The following LRPAP1 variants were observed in gnomAD, a reference collection of about 807,000 sequenced individuals.
LRPAP1 encodes alpha-2-macroglobulin receptor-associated protein.
Under a neutral mutation model 39.9 loss-of-function variants are expected in LRPAP1, and 41 were observed. The ratio of observed to expected loss-of-function variants is 1.03; its 90% CI spans 0.80 to 1.33. The LOEUF (loss-of-function observed/expected upper bound fraction) is 1.33. LRPAP1 is among the 40% of genes most tolerant of loss of function. The pLI, the probability that LRPAP1 is intolerant of heterozygous loss-of-function variation, is 0.00. For synonymous variants in LRPAP1, 263 were observed against 212.7 expected (o/e 1.24, Z -2.06); for missense variants, 565 against 482.3 (o/e 1.17, Z -1.61).
chr4:3,526,516 C>T (rs1051987778), intron 1 of LRPAP1, among the ~76,000 whole-genome samples: 1 of 152,246 alleles, frequency 6.6e-6, no homozygotes, highest in South Asian at 2.1e-4. Context: ...CAGTGAACAT[C>T]CCCACGAAGC....
rs1475528790 is a variant in LRPAP1 at position 3,504,633 on chromosome 4, C to T, written c.*8341G>A. 6.6e-6 allele frequency among the ~76,000 whole-genome samples: 1 copy of T among 151,690 alleles called. No individual in the cohort carries two copies. The highest frequency in any genetic ancestry group is 1.5e-5 in the Non-Finnish European group (1 of 67,988). Reference sequence around the variant, plus strand: ...ACTGTGGTGGTAGGGGCCTGTAATCCCAGCTACTTGCGAGGCTGAGGCAGG... The same window carrying T: ...ACTGTGGTGGTAGGGGCCTGTAATCTCAGCTACTTGCGAGGCTGAGGCAGG... On this transcript the variant is annotated 3_prime_UTR_variant, in exon 8 of 8. Transcript: ENST00000650182.
chr4:3,531,279 C>G (rs957697801), intron 1 of LRPAP1, among the ~76,000 whole-genome samples: 1 of 152,148 alleles, frequency 6.6e-6, no homozygotes, highest in Non-Finnish European at 1.5e-5. Flanking sequence ...GTCTGTCTGT[C>G]CCCCACCTGT....
intron 1 of LRPAP1, among the ~76,000 whole-genome samples, chr4:3,531,584 G>C (rs114059009): frequency 6.6e-6 from 1 of 152,044 alleles, no homozygotes; most frequent in Non-Finnish European, 1.5e-5. Context: ...CCCACCGGCC[G>C]AGCCACCTTG....
chr4:3,532,343 C>G lies in LRPAP1; in HGVS notation c.70G>C (p.Gly24Arg). 8.2e-6 allele frequency: 13 copies of G among 1,592,382 alleles called. No homozygotes were observed. Among genetic ancestry groups the G allele is most frequent in the Non-Finnish European group, 1.1e-5 (13 of 1,169,826 alleles). ...CCGTGGCTCGCAGCGGGCCAGGGCCCGAGGAAGAGCAGCAGCAGTAGCAGC... is the reference window on the plus strand; with the variant it reads ...CCGTGGCTCGCAGCGGGCCAGGGCCGGAGGAAGAGCAGCAGCAGTAGCAGC... Reference protein sequence around the residue: ...PALLLLLLFLGPWPAASHGGK... With the variant: ...PALLLLLLFLRPWPAASHGGK... Residue 24 changes from glycine (G) to arginine (R), a missense_variant, in exon 1 of 8, where the codon GGG (glycine) becomes CGG (arginine). Transcript: ENST00000650182.
chr4:3,527,290 C>T (rs1730106402), intron 1 of LRPAP1, among the ~76,000 whole-genome samples: 1 of 152,326 alleles, frequency 6.6e-6, no homozygotes, highest in East Asian at 1.9e-4. Flanking sequence ...CCTCTGTGCC[C>T]TGGACACTTG....
intron 5 of LRPAP1, 104 bp downstream of exon 5, chr4:3,517,930 C>T: frequency 1.4e-6 from 2 of 1,429,656 alleles, no homozygotes; most frequent in Non-Finnish European, 9.4e-7. Context: ...GCTGCGTCCA[C>T]AGGCCCAGGT....
Position 3,507,583 on chromosome 4 carries a change from G to C in LRPAP1, c.*5391C>G, listed in dbSNP as rs1261280533. On this transcript the variant is annotated 3_prime_UTR_variant, in exon 8 of 8. Transcript: ENST00000650182. Reference sequence around the variant, plus strand: ...TGCTTAAGAATGTTTTCTCTAATGGGCATAAGTAGACCAAGTTTTTAACTG... The same window carrying C: ...TGCTTAAGAATGTTTTCTCTAATGGCCATAAGTAGACCAAGTTTTTAACTG... The C allele has an allele frequency of 6.6e-6, 1 of 151,950 alleles. No individual in the cohort carries two copies. Among genetic ancestry groups the C allele is most frequent in the African/African-American group, 2.4e-5 (1 of 41,310 alleles). The allele number at this position is 151,950 out of a possible 1,614,324, so 9.4% of individuals were successfully genotyped here. A position where few individuals can be genotyped will look rare whatever the true frequency, so the allele number is the denominator to read the frequency against.
Position 3,518,736 on chromosome 4 carries a change from C to T in LRPAP1, c.592+135G>A, listed in dbSNP as rs545655731. ...TGGAACCCTGGGAGGGCGTCTGGTG[C>T]CGCCTCCCTGCCCCTGCTGTGTTCC... On this transcript the variant is annotated intron_variant, in intron 4 of 7. Transcript: ENST00000650182. 103 of 608,932 alleles carry T rather than the reference C, an allele frequency of 1.7e-4. No homozygotes were observed. The South Asian group carries it at 2.2e-3, about 13-fold the overall frequency. The allele number at this position is 608,932 out of a possible 1,614,324, so 37.7% of individuals were successfully genotyped here. A position where few individuals can be genotyped will look rare whatever the true frequency, so the allele number is the denominator to read the frequency against.
At position 3,520,166 on chromosome 4, in the gene LRPAP1, C is replaced by A. The variant is rs1440344448; in HGVS notation, c.377G>T (p.Gly126Val). The A allele has an allele frequency of 1.2e-6, 2 of 1,614,132 alleles. No homozygotes were observed. The highest frequency in any genetic ancestry group is 8.5e-7 in the Non-Finnish European group (1 of 1,180,016). The change falls in exon 3 of 8, where the codon GGA becomes GTA. Residue 126 changes from glycine (G) to valine (V), a missense_variant. By Grantham distance (109) the Gly-to-Val change is moderately radical. Coordinates refer to ENST00000650182, the MANE Select transcript of LRPAP1 (RefSeq NM_002337.4). ...GGTCACCTGCCGAGCGTCCTTCTTT[C>A]CGTCCAGACCATACTTGGCCAAGAT... Reference protein sequence around the residue: ...NVILAKYGLDGKKDARQVTSN... With the variant: ...NVILAKYGLDVKKDARQVTSN...
In LRPAP1 at chr4:3,506,859, A is replaced by G. The variant is rs1266477974; in HGVS notation, c.*6115T>C. ...TTAAGAAAGTAAAATAGCAAGCCAG[A>G]GGATCGGAAATTATTCACAACACAT... On this transcript the variant is annotated 3_prime_UTR_variant, in exon 8 of 8. Transcript: ENST00000650182. 1 of 152,256 alleles carries G rather than the reference A, an allele frequency of 6.6e-6. No individual in the cohort carries two copies. Among genetic ancestry groups the G allele is most frequent in the Non-Finnish European group, 1.5e-5 (1 of 68,034 alleles). 9.4% of individuals were successfully genotyped at this position (152,256 alleles called of 1,614,324 possible).
rs1423700793 is a variant in LRPAP1, at chr4:3,516,160, CCAGGTCCCA to C, written c.781_789del (p.Trp261_Leu263del). On this transcript the variant is annotated inframe_deletion, in exon 6 of 8. Coordinates refer to ENST00000650182, the MANE Select transcript of LRPAP1 (RefSeq NM_002337.4). Reference sequence around the variant, plus strand: ...TTGTCCGTGAGGTTGGCGGACTGCGCCAGGTCCCACAGGTCAATCACCCTGGGCTCCTCG... The same window carrying C: ...TTGTCCGTGAGGTTGGCGGACTGCGCCAGGTCAATCACCCTGGGCTCCTCG... 1.3e-6 allele frequency: 2 copies of C among 1,582,776 alleles called. No individual in the cohort carries two copies. Among genetic ancestry groups the C allele is most frequent in the East Asian group, 4.6e-5 (2 of 43,738 alleles).
intron 2 of LRPAP1, among the ~76,000 whole-genome samples, chr4:3,523,928 G>C (rs572177912): frequency 6.6e-6 from 1 of 152,118 alleles, no homozygotes; most frequent in Admixed American, 6.5e-5. Context: ...GGAGGTGGGG[G>C]GCAGGGGACT....
In LRPAP1 at chr4:3,504,790, C is replaced by T. The variant is rs1729303148; in HGVS notation, c.*8184G>A. On this transcript the variant is annotated 3_prime_UTR_variant, in exon 8 of 8. Transcript: ENST00000650182. Reference sequence around the variant, plus strand: ...CCAAAAAACAAAACACACACACACACAGAAAAATTAGCTGGGTATGGTGGC... The same window carrying T: ...CCAAAAAACAAAACACACACACACATAGAAAAATTAGCTGGGTATGGTGGC... Among the ~76,000 whole-genome samples the T allele has an allele frequency of 6.8e-6, 1 of 146,386 alleles. No individual in the cohort carries two copies. Among genetic ancestry groups the T allele is most frequent in the African/African-American group, 2.5e-5 (1 of 39,576 alleles).
intron 1 of LRPAP1, among the ~76,000 whole-genome samples, chr4:3,529,748 G>A (rs898111798): frequency 1.1e-4 from 17 of 152,178 alleles, no homozygotes; most frequent in African/African-American, 2.9e-4. Flanking sequence ...CAACCTCAAC[G>A]CAGGTCTCAC....
chr4:3,521,724 C>T (rs764630811), intron 2 of LRPAP1, among the ~76,000 whole-genome samples: 31 of 152,228 alleles, frequency 2.0e-4, no homozygotes, highest in African/African-American at 6.3e-4. Flanking sequence ...TGAGGAAAGC[C>T]GTCTCTCCTG....
intron 2 of LRPAP1, 61 bp downstream of exon 2, chr4:3,524,846 C>A: frequency 6.4e-7 from 1 of 1,574,154 alleles, no homozygotes; most frequent in Non-Finnish European, 8.7e-7. Flanking sequence ...CAAAACACTG[C>A]CGCTCTCAAG....
In LRPAP1 at chr4:3,512,331, C is replaced by G. The variant is rs886244443; in HGVS notation, c.*643G>C. On this transcript the variant is annotated 3_prime_UTR_variant, in exon 8 of 8. Transcript: ENST00000650182. ...CTGCAGAGGTGAGAGTTGAAAGACGCTGCCCCCAGGCCACAGTCTCTGACT... is the reference window on the plus strand; with the variant it reads ...CTGCAGAGGTGAGAGTTGAAAGACGGTGCCCCCAGGCCACAGTCTCTGACT... 6.6e-6 allele frequency: 1 copy of G among 152,562 alleles called. No individual in the cohort carries two copies. The highest frequency in any genetic ancestry group is 2.4e-5 in the African/African-American group (1 of 41,466). The allele number at this position is 152,562 out of a possible 1,614,324, so 9.5% of individuals were successfully genotyped here. A position where few individuals can be genotyped will look rare whatever the true frequency, so the allele number is the denominator to read the frequency against.
intron 2 of LRPAP1, among the ~76,000 whole-genome samples, chr4:3,522,155 G>A (rs1160513478): frequency 6.6e-6 from 1 of 152,226 alleles, no homozygotes; most frequent in African/African-American, 2.4e-5. Context: ...TCCAGCCACT[G>A]CTCAGCAGCA....
At chr4:3,516,024 T>C in intron 6 of LRPAP1, 92 bp downstream of exon 6, 2 of 1,222,836 alleles carry the variant, frequency 1.6e-6, no homozygotes, top group Non-Finnish European at 2.3e-6. Flanking sequence ...GAGAGAGAGC[T>C]TGGAGGAGAG....
Sources: allele counts gnomAD v4.1 joint callset (sites outside exome capture counted in the v4.1 genomes callset), GRCh38; gene constraint gnomAD v4.1.1; transcripts MANE v1.5; gene names NCBI Gene and HGNC (gene_info 2026-07-23, HGNC 2026-07-21).